Variants in KIRREL2 observed in about 807,000 individuals in gnomAD.
The protein encoded by KIRREL2 is kin of IRRE-like protein 2.
In KIRREL2, 56 loss-of-function variants were observed where a neutral mutation model predicts 73.4. The observed-to-expected ratio is 0.76, with a 90% CI of 0.62 to 0.95. The LOEUF (loss-of-function observed/expected upper bound fraction) is 0.95, where lower values mean the gene tolerates loss of function less well. Ranked by LOEUF, KIRREL2 falls within the 40% of genes least tolerant of loss-of-function variation. The pLI is 0.00. For synonymous variants in KIRREL2, 407 were observed against 404.0 expected, an observed-to-expected ratio of 1.01 and a Z score of -0.09; for missense variants, 896 against 935.0, an observed-to-expected ratio of 0.96 and a Z score of 0.54.
Position 35,860,891 on chromosome 19 carries a change from C to G in KIRREL2, c.929-18C>G, listed in dbSNP as rs199967070. The G allele has an allele frequency of 6.2e-7, 1 of 1,613,474 alleles. No individual in the cohort carries two copies. Among genetic ancestry groups the G allele is most frequent in the Non-Finnish European group, 8.5e-7 (1 of 1,179,830 alleles). Reference sequence around the variant, plus strand: ...GCATTCCGCCCCGGCCATGTGACCCCTAGTCTCTTTCGTCCAGTTGGGCCG... The same window carrying G: ...GCATTCCGCCCCGGCCATGTGACCCGTAGTCTCTTTCGTCCAGTTGGGCCG... On this transcript the variant is annotated intron_variant, in intron 7 of 14. Coordinates refer to ENST00000360202, the MANE Select transcript of KIRREL2 (RefSeq NM_199180.4).
At chr19:35,859,729 A>C in intron 5 of KIRREL2, 98 bp downstream of exon 5, 1 of 1,377,588 alleles carries the variant, frequency 7.3e-7, no homozygotes, top group Non-Finnish European at 9.9e-7. Flanking sequence ...AGGAAACTGG[A>C]GCCTGGACTC....
Position 35,856,918 on chromosome 19 carries a change from C to G in KIRREL2, c.-202C>G. Reference sequence around the variant, plus strand: ...GCCCTCTTGGGGTCTCCCAGAGACCCAGGCCGCGGAACTGGCAGGCGTTTC... The same window carrying G: ...GCCCTCTTGGGGTCTCCCAGAGACCGAGGCCGCGGAACTGGCAGGCGTTTC... On this transcript the variant is annotated 5_prime_UTR_variant, in exon 1 of 15. Coordinates refer to ENST00000360202, the MANE Select transcript of KIRREL2 (RefSeq NM_199180.4). The surrounding 1 kb of genome is among the most constrained non-coding windows in gnomAD (Gnocchi z 5.9). 1.5e-6 allele frequency: 1 copy of G among 673,812 alleles called. No homozygotes were observed. The highest frequency in any genetic ancestry group is 2.7e-6 in the Non-Finnish European group (1 of 368,536). The allele number at this position is 673,812 out of a possible 1,614,324, so 41.7% of individuals were successfully genotyped here.
At chr19:35,851,513 G>A (rs752777463), upstream of KIRREL2, 39 of 1,613,604 alleles carry the variant, frequency 2.4e-5, no homozygotes, top group Non-Finnish European at 3.1e-5. Flanking sequence ...CCTGGGGTCG[G>A]GGCCCAGGAG....
intron 14 of KIRREL2, 22 bp downstream of exon 14, chr19:35,864,735 G>T (rs1226052353): frequency 6.3e-7 from 1 of 1,575,298 alleles, no homozygotes; most frequent in Non-Finnish European, 8.7e-7. Context: ...GAGGGGTGGG[G>T]CTCCCTTCAC....
In KIRREL2 at chr19:35,866,368, G is replaced by A. The variant is rs753657855; in HGVS notation, c.2003G>A (p.Arg668Gln). ...RAGYLTTPHP[R>Q]AFTSYIKPTS... is the part of the protein sequence containing the mutation. The stretch of plus-strand genomic sequence containing the variant: ...GGCTATCTCACCACACCCCACCCTC[G>A]AGCTTTCACCAGCTACATCAAACCC... The change falls in exon 15 of 15, where the codon CGA becomes CAA. Residue 668 changes from arginine to glutamine, a missense_variant. By Grantham distance (43) the Arg-to-Gln change is conservative. Transcript: ENST00000360202. 5 of 1,611,730 alleles carry A rather than the reference G, an allele frequency of 3.1e-6. No homozygotes were observed. Among genetic ancestry groups the A allele is most frequent in the African/African-American group, 1.3e-5 (1 of 74,166 alleles).
chr19:35,851,941 CT>C (rs977779487), upstream of KIRREL2: 4 of 941,400 alleles, frequency 4.2e-6, no homozygotes, highest in African/African-American at 6.6e-5. Context: ...ACCTGCTTTT[CT>C]TTTTTATCTC....
chr19:35,852,184 C>A (rs1358895729), upstream of KIRREL2, among the ~76,000 whole-genome samples: 2 of 151,378 alleles, frequency 1.3e-5, no homozygotes, highest in African/African-American at 4.9e-5. Context: ...CCACCTTGGC[C>A]TCCCCAAGTG....
upstream of KIRREL2, chr19:35,856,477 T>A (rs1024021109): frequency 6.3e-6 from 1 of 157,620 alleles, no homozygotes; most frequent in African/African-American, 2.4e-5. The surrounding 1 kb of genome is among the most constrained non-coding windows in gnomAD (Gnocchi z 5.9). Flanking sequence ...CCCCCAGGTA[T>A]CGGTGTGCCC....
chr19:35,857,355 C>A lies in KIRREL2; in HGVS notation c.72C>A (p.Pro24=), dbSNP rs201682441. Residue 24 remains proline, a synonymous_variant, in exon 2 of 15, where the codon CCC becomes CCA. Transcript: ENST00000360202. ...CCCGAACTCTCCTAGGCCCGTCGCC[C>A]CATTTCCTGCAACAGCCAGAGGACC... ...FCFRGRAGPS[P]HFLQQPEDLV... is the part of the protein sequence containing the mutation. 29 of 1,612,578 alleles carry A rather than the reference C, an allele frequency of 1.8e-5. No individual in the cohort carries two copies. The African/African-American group carries it at 3.2e-4, about 18-fold the overall frequency.
intron 14 of KIRREL2, 115 bp from the exon 15 acceptor site, chr19:35,866,042 C>A: frequency 1.0e-6 from 1 of 976,358 alleles, no homozygotes; most frequent in Non-Finnish European, 1.5e-6. Flanking sequence ...TCTGCCCACT[C>A]CTGTCTCTTT....
chr19:35,865,171 TTC>T (rs1239290044), intron 14 of KIRREL2, among the ~76,000 whole-genome samples: 1 of 52,628 alleles, frequency 1.9e-5, no homozygotes, highest in East Asian at 5.2e-4. Flanking sequence ...ATTCTCTCTC[TTC>T]TTTTTTTTTT....
At chr19:35,863,783 C>CT (rs1458946069) in intron 13 of KIRREL2, among the ~76,000 whole-genome samples, 3 of 149,184 alleles carry the variant, frequency 2.0e-5, no homozygotes, top group Admixed American at 1.3e-4. Context: ...TTCTTTCTTT[C>CT]TTTTTTTTGA....
At position 35,866,303 on chromosome 19, in the gene KIRREL2, G is replaced by C. The variant is rs1568470140; in HGVS notation, c.1938G>C (p.Leu646=). ...CCTTCTATGACTTCAACCCACACCT[G>C]GGCATGGTCCCCCCCTGCAGACTTT... ...TPTFYDFNPH[L]GMVPPCRLYR... is the part of the protein sequence containing the mutation. The change falls in exon 15 of 15, where the codon CTG becomes CTC. Residue 646 remains leucine (L), a synonymous_variant. Coordinates refer to ENST00000360202, the MANE Select transcript of KIRREL2 (RefSeq NM_199180.4). The C allele has an allele frequency of 6.2e-7, 1 of 1,611,302 alleles. No homozygotes were observed. The highest frequency in any genetic ancestry group is 2.2e-5 in the East Asian group (1 of 44,748).
At chr19:35,865,173 C>CT (rs35569940) in intron 14 of KIRREL2, among the ~76,000 whole-genome samples, 4,496 of 105,082 alleles carry the variant, frequency 0.043, 555 homozygotes, top group African/African-American at 0.16. Flanking sequence ...TCTCTCTCTT[C>CT]TTTTTTTTTT....
chr19:35,861,067 A>G (rs775695078), intron 8 of KIRREL2, 31 bp downstream of exon 8: 6 of 1,605,976 alleles, frequency 3.7e-6, no homozygotes, highest in Non-Finnish European at 5.1e-6. Context: ...CGGTGGCTGG[A>G]GGGGGACCAG....
In KIRREL2 at chr19:35,866,353, C is replaced by T. The variant is rs368811316; in HGVS notation, c.1988C>T (p.Thr663Ile). 1.2e-6 allele frequency: 2 copies of T among 1,613,078 alleles called. No individual in the cohort carries two copies. Among genetic ancestry groups the T allele is most frequent in the Non-Finnish European group, 1.7e-6 (2 of 1,179,194 alleles). The change falls in exon 15 of 15, where the codon ACC becomes ATC. Residue 663 changes from threonine (T) to isoleucine (I), a missense_variant. By Grantham distance (89) the Thr-to-Ile change is moderately conservative (BLOSUM62 -1). Transcript: ENST00000360202. Reference sequence around the variant, plus strand: ...TACAGAGCCAGGGCAGGCTATCTCACCACACCCCACCCTCGAGCTTTCACC... The same window carrying T: ...TACAGAGCCAGGGCAGGCTATCTCATCACACCCCACCCTCGAGCTTTCACC... ...RLYRARAGYL[T>I]TPHPRAFTSY...
rs530177929 is a variant in KIRREL2 at position 35,866,434 on chromosome 19, C to T, written c.2069C>T (p.Pro690Leu). Residue 690 changes from proline to leucine, a missense_variant, in exon 15 of 15, where the codon CCC becomes CTC. Pro to Leu is a moderately conservative substitution (Grantham distance 98, BLOSUM62 -3). Coordinates refer to ENST00000360202, the MANE Select transcript of KIRREL2 (RefSeq NM_199180.4). ...CCAGATCTGGCCCCCGGGACTCCCC[C>T]CTTCCCATATGCTGCCTTCCCCACA... ...GPPDLAPGTP[P>L]FPYAAFPTPS... The T allele has an allele frequency of 4.4e-6, 7 of 1,606,614 alleles. No individual in the cohort carries two copies. In the East Asian group the frequency reaches 6.7e-5, roughly 15 times the overall value.
At chr19:35,862,682 C>A in intron 12 of KIRREL2, 85 bp downstream of exon 12, 2 of 1,028,474 alleles carry the variant, frequency 1.9e-6, no homozygotes, top group Non-Finnish European at 3.0e-6. Context: ...TGGCCTTGGG[C>A]CTTGGCTCCA....
intron 13 of KIRREL2, 113 bp downstream of exon 13, chr19:35,863,149 C>A: frequency 3.1e-6 from 2 of 639,784 alleles, no homozygotes; most frequent in Non-Finnish European, 2.8e-6. Context: ...TGGTGCCTGA[C>A]GTTGGTAATA....
Sources: gnomAD v4.1 joint callset for allele counts (sites outside exome capture counted in the v4.1 genomes callset) on GRCh38, gnomAD v4.1.1 for gene constraint, Gnocchi (gnomAD v3.1) non-coding constraint, MANE v1.5 for transcripts, NCBI Gene and HGNC (gene_info 2026-07-23, HGNC 2026-07-21) for gene names.